Variants in PALM2AKAP2 observed in about 807,000 individuals in gnomAD.
PALM2AKAP2 encodes the protein PALM2 and AKAP2 fusion, also known as PALM2-AKAP2 fusion protein.
In PALM2AKAP2, 37 loss-of-function variants were observed where a neutral mutation model predicts 71.5. That is an observed-to-expected ratio of 0.52 (90% CI 0.40 to 0.68). The LOEUF (loss-of-function observed/expected upper bound fraction) is 0.68, where lower values mean the gene tolerates loss of function less well. Ranked by LOEUF, PALM2AKAP2 falls within the 30% of genes least tolerant of loss-of-function variation. The probability of loss-of-function intolerance (pLI) is 0.00; values close to 1 mark genes in which losing one functional copy is unlikely to be tolerated. For synonymous variants in PALM2AKAP2, 468 were observed against 478.8 expected (o/e 0.98, Z 0.29); for missense variants, 1,224 against 1,191.8 (o/e 1.03, Z -0.40).
chr9:109,731,692 G>C (rs1364704165), intron 1 of PALM2AKAP2, among the ~76,000 whole-genome samples: 1 of 152,024 alleles, frequency 6.6e-6, no homozygotes, highest in Non-Finnish European at 1.5e-5. Context: ...TAAGTAAATA[G>C]TATTATTTAT....
exon 1 of PALM2AKAP2, chr9:110,048,844 G>A (rs775688551): frequency 6.5e-7 from 1 of 1,526,850 alleles, no homozygotes; most frequent in Admixed American, 2.0e-5. Context: ...CCCCGGGAGC[G>A]GGCGCCCAGA....
intron 1 of PALM2AKAP2, among the ~76,000 whole-genome samples, chr9:110,095,491 G>A (rs980089722): frequency 1.3e-5 from 2 of 152,066 alleles, no homozygotes; most frequent in Non-Finnish European, 1.5e-5. Context: ...ACAGAAAGGA[G>A]CCAGCTCCCC....
chr9:110,048,772 C>A (rs1051951411), exon 1 of PALM2AKAP2: 2 of 1,489,876 alleles, frequency 1.3e-6, no homozygotes, highest in Non-Finnish European at 1.8e-6. Context: ...GTCTCCTGGA[C>A]CCCCGGAGCG....
chr9:109,972,139 T>C (rs1332312286), intron 6 of PALM2AKAP2, among the ~76,000 whole-genome samples: 2 of 152,242 alleles, frequency 1.3e-5, no homozygotes. Flanking sequence ...CAGCTCTGAA[T>C]AGCATTGGTG....
chr9:109,816,037 A>G (rs538220128), intron 1 of PALM2AKAP2, among the ~76,000 whole-genome samples: 1 of 152,322 alleles, frequency 6.6e-6, no homozygotes, highest in East Asian at 1.9e-4. Flanking sequence ...TATGCTAAGT[A>G]TGGGCTTGTC....
chr9:110,138,286 G>C, exon 2 of PALM2AKAP2: 5 of 1,614,238 alleles, frequency 3.1e-6, no homozygotes, highest in Non-Finnish European at 4.2e-6. Context: ...ATTTCAGCAA[G>C]TACTCGGAGG....
At chr9:109,834,969 A>G (rs531961885) in intron 1 of PALM2AKAP2, among the ~76,000 whole-genome samples, 1 of 152,090 alleles carries the variant, frequency 6.6e-6, no homozygotes, top group Non-Finnish European at 1.5e-5. Flanking sequence ...AGGATGAACA[A>G]TACTTCTCAC....
At chr9:109,669,554 C>T (rs984068080) in intron 1 of PALM2AKAP2, among the ~76,000 whole-genome samples, 1 of 152,030 alleles carries the variant, frequency 6.6e-6, no homozygotes, top group African/African-American at 2.4e-5. Context: ...ATAGAAATCA[C>T]TAGTGAAATG....
At chr9:110,127,811 A>C (rs568063110) in intron 1 of PALM2AKAP2, 2 of 152,106 alleles carry the variant, frequency 1.3e-5, no homozygotes, top group Non-Finnish European at 2.9e-5. Flanking sequence ...AGAGGGCTGG[A>C]AGTTTATTTC....
chr9:110,135,003 C>G (rs1835815811), intron 1 of PALM2AKAP2, among the ~76,000 whole-genome samples: 1 of 149,954 alleles, frequency 6.7e-6, no homozygotes, highest in African/African-American at 2.5e-5. Context: ...ATTACATAGG[C>G]TAGATAACTG....
At chr9:109,860,253 C>CT (rs1040865599) in intron 1 of PALM2AKAP2, among the ~76,000 whole-genome samples, 2 of 151,894 alleles carry the variant, frequency 1.3e-5, no homozygotes, top group Admixed American at 6.6e-5. Flanking sequence ...GACTATTTTT[C>CT]TTTTTTTTCC....
chr9:109,732,763 A>T (rs141918838), intron 1 of PALM2AKAP2, among the ~76,000 whole-genome samples: 6,486 of 152,262 alleles, frequency 0.043, 189 homozygotes, highest in Non-Finnish European at 0.053. Flanking sequence ...AGAATGGCTG[A>T]AATGGAAAGG....
chr9:110,025,399 CT>C (rs34276135), intron 7 of PALM2AKAP2: 116,216 of 613,764 alleles, frequency 0.19, 90 homozygotes, highest in Middle Eastern at 0.25. Flanking sequence ...GCCCGAAAGG[CT>C]TTTTTTTTTT....
At chr9:109,717,801 T>TG in intron 1 of PALM2AKAP2, among the ~76,000 whole-genome samples, 1 of 152,336 alleles carries the variant, frequency 6.6e-6, no homozygotes, top group Non-Finnish European at 1.5e-5. Context: ...AAGTCTCAAA[T>TG]GATTGCATTT....
At chr9:109,646,058 C>T (rs963049763) in intron 1 of PALM2AKAP2, among the ~76,000 whole-genome samples, 1 of 152,140 alleles carries the variant, frequency 6.6e-6, no homozygotes, top group Non-Finnish European at 1.5e-5. Flanking sequence ...AAAGAGGGTA[C>T]TAACTGATTG....
In PALM2AKAP2 at chr9:109,856,273, A is replaced by G. The variant is rs189808601; in HGVS notation, c.46-11218A>G. ...ATTGCAGTCCCGTCTATAATTGCAA[A>G]CAAAGCACTGAGAACCACCTAAATT... is the stretch of plus-strand genomic sequence containing the variant. On this transcript the variant is annotated intron_variant, in intron 1 of 9. Coordinates refer to the PALM2AKAP2 transcript ENST00000302798. Among the ~76,000 whole-genome samples the G allele has an allele frequency of 2.6e-4, 40 of 152,374 alleles. No homozygotes were observed. In the East Asian group the frequency reaches 3.5e-3, roughly 13 times the overall value.
intron 1 of PALM2AKAP2, among the ~76,000 whole-genome samples, chr9:109,849,928 T>TCC (rs905840119): frequency 3.5e-4 from 53 of 152,226 alleles, no homozygotes; most frequent in African/African-American, 1.3e-3. Flanking sequence ...TCTTCAGTTT[T>TCC]CCCCCTGATC....
At chr9:110,113,509 G>C (rs1564312063) in intron 1 of PALM2AKAP2, among the ~76,000 whole-genome samples, 1 of 149,392 alleles carries the variant, frequency 6.7e-6, no homozygotes, top group Non-Finnish European at 1.5e-5. Flanking sequence ...GCCTCCCAAA[G>C]TGAGCCACTG....
intron 1 of PALM2AKAP2, among the ~76,000 whole-genome samples, chr9:109,805,442 G>T (rs563289008): frequency 1.1e-4 from 16 of 152,070 alleles, no homozygotes; most frequent in Non-Finnish European, 1.8e-4. Context: ...TTTTTTCCCC[G>T]AAATTCCAGT....
Sources: allele counts gnomAD v4.1 joint callset (sites outside exome capture counted in the v4.1 genomes callset), GRCh38; gene constraint gnomAD v4.1.1; transcripts MANE v1.5; gene names NCBI Gene and HGNC (gene_info 2026-07-23, HGNC 2026-07-21).